The following EYS variants were observed in gnomAD, a reference collection of about 807,000 sequenced individuals.
EYS encodes protein eyes shut homolog.
A neutral mutation model predicts 282.1 loss-of-function variants in EYS; 250 were observed. The ratio of observed to expected loss-of-function variants is 0.89; its 90% CI spans 0.80 to 0.98. The LOEUF (loss-of-function observed/expected upper bound fraction) is 0.98. Ranked by LOEUF, EYS falls within the 50% of genes least tolerant of loss-of-function variation. EYS has a pLI of 0.00. For synonymous variants in EYS, 1,355 were observed against 1,282.9 expected, an observed-to-expected ratio of 1.06 and a Z score of -1.20; for missense variants, 4,016 against 3,709.0, an observed-to-expected ratio of 1.08 and a Z score of -2.15.
chr6:65,690,007 G>C (rs1769183246), intron 1 of EYS, among the ~76,000 whole-genome samples: 1 of 149,918 alleles, frequency 6.7e-6, no homozygotes, highest in Admixed American at 6.7e-5. Context: ...GAGGGCGCGG[G>C]TAGGTTAGTG....
At chr6:64,904,578 T>C (rs1200063329) in intron 16 of EYS, among the ~76,000 whole-genome samples, 1 of 152,208 alleles carries the variant, frequency 6.6e-6, no homozygotes, top group African/African-American at 2.4e-5. Context: ...AAGTTAAAAA[T>C]TGAGAAAGTT....
chr6:64,239,136 C>G (rs1001766698), intron 30 of EYS, among the ~76,000 whole-genome samples: 3 of 152,140 alleles, frequency 2.0e-5, no homozygotes, highest in Admixed American at 2.0e-4. Context: ...GCCACATTTT[C>G]TTTATCCAGT....
intron 11 of EYS, among the ~76,000 whole-genome samples, chr6:65,298,104 G>A (rs941097142): frequency 3.3e-5 from 5 of 151,998 alleles, no homozygotes; most frequent in Non-Finnish European, 5.9e-5. Context: ...ACAAGAATAC[G>A]AAGGCATATC....
At chr6:64,470,570 A>G (rs78952264) in intron 26 of EYS, among the ~76,000 whole-genome samples, 7,890 of 78,366 alleles carry the variant, frequency 0.1, 687 homozygotes, top group African/African-American at 0.27. Flanking sequence ...GGCCACACAT[A>G]AAATACACTA....
chr6:63,989,631 T>G (rs1238324265), intron 34 of EYS, among the ~76,000 whole-genome samples: 1 of 139,318 alleles, frequency 7.2e-6, no homozygotes, highest in African/African-American at 2.8e-5. Context: ...GCCTTGAAAA[T>G]AGAAAGTTTT....
rs920360575 is a variant in EYS at position 64,439,993 on chromosome 6, A to T, written c.5645-641T>A. 3.3e-5 allele frequency among the ~76,000 whole-genome samples: 5 copies of T among 150,064 alleles called. No individual in the cohort carries two copies. The East Asian group carries it at 5.9e-4, about 18-fold the overall frequency. On this transcript the variant is annotated intron_variant, in intron 26 of 42. Transcript: ENST00000503581. ...AACTACTTTATATTATTATTAAATC[A>T]TTTTTTTTTGCTTGATAAATACTGG...
chr6:64,055,161 A>G (rs1210193709), intron 33 of EYS, among the ~76,000 whole-genome samples: 1 of 152,164 alleles, frequency 6.6e-6, no homozygotes, highest in Non-Finnish European at 1.5e-5. Flanking sequence ...AGAACCTTCA[A>G]AGACATTTGC....
intron 12 of EYS, among the ~76,000 whole-genome samples, chr6:65,163,709 C>T (rs753683057): frequency 6.6e-6 from 1 of 151,224 alleles, no homozygotes; most frequent in South Asian, 2.1e-4. Context: ...ATTATTTTTA[C>T]ATTTTTTTAA....
At chr6:65,258,753 T>G (rs1424579092) in intron 12 of EYS, among the ~76,000 whole-genome samples, 1 of 152,102 alleles carries the variant, frequency 6.6e-6, no homozygotes, top group African/African-American at 2.4e-5. Context: ...GAATGTATAC[T>G]CAGAGTTTCT....
At chr6:64,464,927 G>T (rs1335928749) in intron 26 of EYS, among the ~76,000 whole-genome samples, 1 of 151,770 alleles carries the variant, frequency 6.6e-6, no homozygotes, top group Non-Finnish European at 1.5e-5. Context: ...AACTAGCAAT[G>T]TTTTAAATAA....
intron 26 of EYS, among the ~76,000 whole-genome samples, chr6:64,546,169 CAG>C (rs1341817995): frequency 2.6e-5 from 4 of 152,132 alleles, no homozygotes; most frequent in African/African-American, 9.7e-5. Context: ...GGTACCAAAA[CAG>C]AGATATAGAC....
intron 13 of EYS, among the ~76,000 whole-genome samples, chr6:65,057,169 A>T (rs1166631982): frequency 6.6e-6 from 1 of 152,014 alleles, no homozygotes; most frequent in Non-Finnish European, 1.5e-5. Flanking sequence ...GTTTATGGAG[A>T]AAAAATACAA....
At chr6:64,376,624 T>C (rs1772568714) in intron 29 of EYS, among the ~76,000 whole-genome samples, 1 of 152,194 alleles carries the variant, frequency 6.6e-6, no homozygotes, top group Non-Finnish European at 1.5e-5. Flanking sequence ...GCATTCCTTT[T>C]CATTGCTTCC....
rs540866614 is a variant in EYS, at chr6:64,575,254, C to A, written c.5644+14969G>T. Among the ~76,000 whole-genome samples the A allele has an allele frequency of 3.3e-5, 5 of 151,950 alleles. No homozygotes were observed. In the South Asian group the frequency reaches 1.0e-3, roughly 32 times the overall value. ...GTCTTGTTTCTTCAGGATTAAAATC[C>A]TTTTTAGAAAGTAAAACATGAAATT... is the stretch of plus-strand genomic sequence containing the variant. On this transcript the variant is annotated intron_variant, in intron 26 of 42. Transcript: ENST00000503581.
chr6:64,488,382 A>G (rs532297611), intron 26 of EYS, among the ~76,000 whole-genome samples: 1 of 151,128 alleles, frequency 6.6e-6, no homozygotes, highest in Non-Finnish European at 1.5e-5. Context: ...TTTACCTGGA[A>G]AGTGCTCATA....
intron 11 of EYS, among the ~76,000 whole-genome samples, chr6:65,334,585 T>A (rs1246186371): frequency 1.3e-5 from 2 of 151,868 alleles, no homozygotes; most frequent in African/African-American, 4.8e-5. Flanking sequence ...GGCAACATTT[T>A]AATTTTGTTA....
chr6:64,593,306 A>T lies in EYS; in HGVS notation c.3688T>A (p.Cys1230Ser), dbSNP rs1258171232. Residue 1230 changes from cysteine to serine, a missense_variant, in exon 25 of 43, where the codon TGC (cysteine) becomes AGC (serine). Cys to Ser is a moderately radical substitution (Grantham distance 112, BLOSUM62 -1). Transcript: ENST00000503581. ...TCLCTPGFMTCSIGLLCGDEI... is the reference protein window; with the variant it reads ...TCLCTPGFMTSSIGLLCGDEI... ...TCACCACAAAGAAGCCCAATGGAGC[A>T]GGTCTGCAAATGACAATTACAGTAA... is the stretch of plus-strand genomic sequence containing the variant. The T allele has an allele frequency of 1.2e-5, 19 of 1,545,966 alleles. No homozygotes were observed. The highest frequency in any genetic ancestry group is 1.6e-5 in the Non-Finnish European group (18 of 1,144,202).
intron 1 of EYS, among the ~76,000 whole-genome samples, chr6:65,687,780 C>G (rs905964088): frequency 1.3e-5 from 2 of 152,114 alleles, no homozygotes; most frequent in African/African-American, 4.8e-5. Context: ...CATTCTTATA[C>G]ACCAATAACA....
At chr6:65,140,585 C>G (rs900785023) in intron 12 of EYS, among the ~76,000 whole-genome samples, 2 of 150,902 alleles carry the variant, frequency 1.3e-5, no homozygotes, top group South Asian at 2.1e-4. Context: ...TTTTCGCAAC[C>G]TACTCATCTG....
Sources: allele counts gnomAD v4.1 joint callset (sites outside exome capture counted in the v4.1 genomes callset), GRCh38; gene constraint gnomAD v4.1.1; transcripts MANE v1.5; gene names NCBI Gene and HGNC (gene_info 2026-07-23, HGNC 2026-07-21).